The following ARAP2 variants were observed in gnomAD, a reference collection of about 807,000 sequenced individuals.
ARAP2 encodes arf-GAP with Rho-GAP domain, ANK repeat and PH domain-containing protein 2.
ARAP2 carries 148 observed loss-of-function variants against 194.5 expected under a neutral mutation model. That is an observed-to-expected ratio of 0.76 (90% CI 0.67 to 0.87). The LOEUF is 0.87. Among genes scored for constraint, ARAP2 ranks in the 40% least tolerant of loss-of-function variants. ARAP2 has a pLI of 0.00. For synonymous variants in ARAP2, 695 were observed against 683.5 expected (o/e 1.02, Z -0.26); for missense variants, 2,128 against 1,989.7 (o/e 1.07, Z -1.32).
chr4:36,211,101 G>A (rs1467377726), intron 5 of ARAP2, among the ~76,000 whole-genome samples: 1 of 151,814 alleles, frequency 6.6e-6, no homozygotes, highest in East Asian at 1.9e-4. Flanking sequence ...AATCCCTCTG[G>A]GCAACATGAC....
chr4:36,088,134 T>G (rs961943211), intron 28 of ARAP2, among the ~76,000 whole-genome samples: 1 of 152,128 alleles, frequency 6.6e-6, no homozygotes, highest in African/African-American at 2.4e-5. Context: ...AACCTTCTGT[T>G]GCTACACAAT....
intron 6 of ARAP2, among the ~76,000 whole-genome samples, chr4:36,017,248 T>C (rs1485368398): frequency 2.0e-5 from 3 of 151,892 alleles, no homozygotes; most frequent in Non-Finnish European, 2.9e-5. Context: ...TTAAATGAGA[T>C]AGACTCATTC....
At chr4:36,032,011 TAAAG>T (rs895203746) in intron 5 of ARAP2, among the ~76,000 whole-genome samples, 14 of 152,140 alleles carry the variant, frequency 9.2e-5, no homozygotes, top group African/African-American at 3.4e-4. Context: ...TAAAAGCTGT[TAAAG>T]AAAAATTATT....
chr4:36,087,777 AT>A (rs1369916755), intron 28 of ARAP2, among the ~76,000 whole-genome samples: 1 of 152,072 alleles, frequency 6.6e-6, no homozygotes, highest in Non-Finnish European at 1.5e-5. Flanking sequence ...TACACATAAA[AT>A]TCTTTCAGCA....
In ARAP2 at chr4:36,019,113, T is replaced by C. The variant is rs897168818; in HGVS notation, n.750+31A>G. On this transcript the variant is annotated intron_variant and non_coding_transcript_variant, in intron 6 of 12. Transcript: ENST00000503225. ...ACTTTGCATATATATTTAAAATACA[T>C]CTTTTAAAAATTGTCATAAAAGAAA... 8.0e-5 allele frequency: 12 copies of C among 149,694 alleles called. No individual in the cohort carries two copies. In the East Asian group the frequency reaches 2.1e-3, roughly 26 times the overall value. 9.3% of individuals were successfully genotyped at this position (149,694 alleles called of 1,614,324 possible). A position where few individuals can be genotyped will look rare whatever the true frequency, so the allele number is the denominator to read the frequency against.
chr4:36,108,129 C>T (rs1421836465), intron 26 of ARAP2, among the ~76,000 whole-genome samples: 1 of 151,878 alleles, frequency 6.6e-6, no homozygotes, highest in African/African-American at 2.4e-5. Context: ...AACTTCTGAG[C>T]TCAGGCTACC....
At chr4:36,242,615 C>A (rs1753735071) in intron 1 of ARAP2, among the ~76,000 whole-genome samples, 1 of 152,150 alleles carries the variant, frequency 6.6e-6, no homozygotes. Flanking sequence ...TCCACAGTAT[C>A]CAAGAATAGT....
At chr4:36,187,357 T>C (rs557387521) in intron 8 of ARAP2, 94 bp downstream of exon 8, 20 of 644,512 alleles carry the variant, frequency 3.1e-5, no homozygotes, top group South Asian at 1.7e-4. Context: ...AAGTAATATA[T>C]TTAAAGGTTT....
chr4:36,179,963 C>T (rs1286252336), intron 8 of ARAP2, among the ~76,000 whole-genome samples: 3 of 152,160 alleles, frequency 2.0e-5, no homozygotes, highest in Non-Finnish European at 4.4e-5. Context: ...GCAGGTGTTA[C>T]ATAATCTTCC....
At chr4:36,133,781 T>C (rs2109617737) in intron 19 of ARAP2, among the ~76,000 whole-genome samples, 1 of 151,910 alleles carries the variant, frequency 6.6e-6, no homozygotes, top group African/African-American at 2.4e-5. Context: ...TATAGCATAA[T>C]TCTTTCTGGA....
downstream of ARAP2, chr4:36,065,550 G>A: frequency 4.2e-6 from 1 of 238,458 alleles, no homozygotes. Context: ...TCAGCTCATG[G>A]GCCTCACCAG....
At chr4:36,172,537 A>G (rs1736894489) in intron 9 of ARAP2, among the ~76,000 whole-genome samples, 1 of 152,222 alleles carries the variant, frequency 6.6e-6, no homozygotes, top group Admixed American at 6.5e-5. Context: ...TTCGGATAAA[A>G]TTAATGGTAA....
intron 8 of ARAP2, among the ~76,000 whole-genome samples, chr4:36,013,018 CTG>C (rs1714832338): frequency 6.6e-6 from 1 of 152,124 alleles, no homozygotes; most frequent in Non-Finnish European, 1.5e-5. Flanking sequence ...AAAATATAGA[CTG>C]TTCTTGTAAA....
intron 2 of ARAP2, among the ~76,000 whole-genome samples, chr4:36,052,524 A>C (rs1305894761): frequency 6.6e-6 from 1 of 152,250 alleles, no homozygotes; most frequent in Non-Finnish European, 1.5e-5. Context: ...TTGACATAAA[A>C]ATTGCTAAGA....
intron 2 of ARAP2, among the ~76,000 whole-genome samples, chr4:36,217,180 A>T (rs4463089): frequency 0.92 from 139,672 of 152,156 alleles, 64,155 homozygotes; most frequent in East Asian, 1. Context: ...TTATAACTTT[A>T]TATATATATT....
chr4:36,230,070 G>A (rs1751141266), intron 1 of ARAP2, among the ~76,000 whole-genome samples: 1 of 152,162 alleles, frequency 6.6e-6, no homozygotes, highest in Non-Finnish European at 1.5e-5. Flanking sequence ...ACTGTTTAAT[G>A]TCCTACAGGA....
intron 19 of ARAP2, among the ~76,000 whole-genome samples, chr4:36,136,816 T>TGTGTGTGTGTGC (rs796925392): frequency 5.2e-4 from 76 of 145,270 alleles, no homozygotes; most frequent in African/African-American, 1.6e-3. Context: ...TGTGTGTGTG[T>TGTGTGTGTGTGC]GTGCGTGTCT....
rs570723734 is a variant in ARAP2 at position 36,158,124 on chromosome 4, G to A, written c.2752+606C>T. On this transcript the variant is annotated intron_variant, in intron 15 of 32. Coordinates refer to ENST00000303965, the MANE Select transcript of ARAP2 (RefSeq NM_015230.4). The stretch of plus-strand genomic sequence containing the variant: ...GTGTCTTAGTCATTTCTAAAATCCC[G>A]ATACATAGCATTGGTTTGACACAAG... Among the ~76,000 whole-genome samples, 15 of 152,158 alleles carry A rather than the reference G, an allele frequency of 9.9e-5. 1 individual carries two copies. The highest frequency in any genetic ancestry group is 4.2e-4 in the South Asian group (2 of 4,814).
intron 7 of ARAP2, 71 bp downstream of exon 7, chr4:36,193,507 C>A: frequency 9.7e-7 from 1 of 1,036,244 alleles, no homozygotes. Flanking sequence ...TCTTAAAAAC[C>A]AAACTGCTTG....
Sources: allele counts gnomAD v4.1 joint callset (sites outside exome capture counted in the v4.1 genomes callset), GRCh38; gene constraint gnomAD v4.1.1; transcripts MANE v1.5; gene names NCBI Gene and HGNC (gene_info 2026-07-23, HGNC 2026-07-21).